TAB1: variants seen among roughly 807,000 people sequenced by gnomAD.
TAB1 encodes TGF-beta-activated kinase 1 and MAP3K7-binding protein 1.
In TAB1, 30 loss-of-function variants were observed where a neutral mutation model predicts 54.5. The ratio of observed to expected loss-of-function variants is 0.55; its 90% CI spans 0.41 to 0.75. TAB1 has a LOEUF of 0.75. Among genes scored for constraint, TAB1 ranks in the 30% least tolerant of loss-of-function variants. The pLI, the probability that TAB1 is intolerant of heterozygous loss-of-function variation, is 0.00. For missense variants in TAB1, 609 were observed against 683.2 expected (o/e 0.89, Z 1.21); for synonymous variants, 289 against 286.9 (o/e 1.01, Z -0.07).
intron 1 of TAB1, among the ~76,000 whole-genome samples, chr22:39,405,589 G>A (rs1020805170): frequency 2.0e-5 from 3 of 152,224 alleles, no homozygotes; most frequent in African/African-American, 7.2e-5. Flanking sequence ...TGGGGGCGTG[G>A]GAGAAAGTAT....
rs1394278128 is a variant in TAB1, at chr22:39,431,448, A to T, written c.*1226A>T. 5 of 985,566 alleles carry T rather than the reference A, an allele frequency of 5.1e-6. No individual in the cohort carries two copies. The African/African-American group carries it at 8.7e-5, about 17-fold the overall frequency. 61.1% of individuals were successfully genotyped at this position (985,566 alleles called of 1,614,324 possible). On this transcript the variant is annotated 3_prime_UTR_variant, in exon 11 of 11. Coordinates refer to ENST00000216160, the MANE Select transcript of TAB1 (RefSeq NM_006116.3). Reference sequence around the variant, plus strand: ...GTATCCAGGACCCCCCGGATTCTCCACGCCCTCCCCATCTCCCAGTCTCCC... The same window carrying T: ...GTATCCAGGACCCCCCGGATTCTCCTCGCCCTCCCCATCTCCCAGTCTCCC...
chr22:39,421,016 C>A (rs4568039), intron 7 of TAB1, among the ~76,000 whole-genome samples: 3 of 149,822 alleles, frequency 2.0e-5, no homozygotes, highest in African/African-American at 2.5e-5. Flanking sequence ...TGTGTCCTGC[C>A]CCTCCCAGGT....
In TAB1 at chr22:39,427,991, C is replaced by T. The variant is rs368355471; in HGVS notation, c.1145-30C>T. The T allele has an allele frequency of 2.6e-6, 4 of 1,551,456 alleles. No individual in the cohort carries two copies. In the African/African-American group the frequency reaches 5.4e-5, roughly 21 times the overall value. On this transcript the variant is annotated intron_variant, in intron 9 of 10. Transcript: ENST00000216160. ...ACCCTGGGTTTCTCCTCAGCTGCTG[C>T]CTGAGGCCCCCACTCTCTTCCTCCC...
chr22:39,432,907 A>C, downstream of TAB1: 1 of 985,414 alleles, frequency 1.0e-6, no homozygotes, highest in South Asian at 4.7e-5. Context: ...GAAGCTCGGG[A>C]ATGGGTTTGA....
intron 1 of TAB1, among the ~76,000 whole-genome samples, chr22:39,410,003 C>T (rs1051419944): frequency 2.0e-5 from 3 of 152,100 alleles, no homozygotes; most frequent in Admixed American, 6.6e-5. Flanking sequence ...TATGTGGGTC[C>T]GGAAGACCTA....
At chr22:39,416,963 C>G in intron 4 of TAB1, 86 bp downstream of exon 4, 2 of 1,354,212 alleles carry the variant, frequency 1.5e-6, no homozygotes, top group Non-Finnish European at 2.1e-6. Context: ...CTTGACATTA[C>G]TGGGCCAGAG....
Position 39,415,227 on chromosome 22 carries a change from G to A in TAB1, c.170+85G>A, listed in dbSNP as rs927103784. On this transcript the variant is annotated intron_variant, in intron 2 of 10. Coordinates refer to ENST00000216160, the MANE Select transcript of TAB1 (RefSeq NM_006116.3). The surrounding 1 kb of genome is among the most constrained non-coding windows in gnomAD (Gnocchi z 4.9). Reference sequence around the variant, plus strand: ...AAGACACCGACCTTGCAGCTTTCTCGTATGGGCTTGCCAGTGACATGTGGC... The same window carrying A: ...AAGACACCGACCTTGCAGCTTTCTCATATGGGCTTGCCAGTGACATGTGGC... 4.4e-5 allele frequency: 65 copies of A among 1,477,824 alleles called. No homozygotes were observed. The highest frequency in any genetic ancestry group is 3.4e-4 in the Admixed American group (16 of 46,392). 91.5% of individuals were successfully genotyped at this position (1,477,824 alleles called of 1,614,324 possible). A position where few individuals can be genotyped will look rare whatever the true frequency, so the allele number is the denominator to read the frequency against.
intron 7 of TAB1, among the ~76,000 whole-genome samples, chr22:39,420,927 T>TG (rs1927057528): frequency 2.2e-4 from 32 of 142,868 alleles, no homozygotes; most frequent in South Asian, 4.5e-4. Flanking sequence ...TGTGTGTGTG[T>TG]TTGTCCTGGG....
chr22:39,421,603 C>T (rs1927093877), intron 7 of TAB1: 1 of 568,522 alleles, frequency 1.8e-6, no homozygotes, highest in African/African-American at 1.9e-5. Flanking sequence ...CCATCCTGAC[C>T]TCAGCTGCCT....
At position 39,430,223 on chromosome 22, in the gene TAB1, G is replaced by A. The variant is rs746147331; in HGVS notation, c.*1G>A. 1 of 1,611,302 alleles carries A rather than the reference G, an allele frequency of 6.2e-7. No homozygotes were observed. The highest frequency in any genetic ancestry group is 8.5e-7 in the Non-Finnish European group (1 of 1,179,996). On this transcript the variant is annotated 3_prime_UTR_variant, in exon 11 of 11. Transcript: ENST00000216160. ...GCAGAGCGTGGTGACAGCACCGTAG[G>A]GCAGCCGGAGAATGCAGCCCAAGCA...
intron 1 of TAB1, among the ~76,000 whole-genome samples, chr22:39,405,077 G>A (rs1463074895): frequency 6.6e-6 from 1 of 152,162 alleles, no homozygotes; most frequent in Non-Finnish European, 1.5e-5. Context: ...AAAACACTTG[G>A]CCTTTTCATA....
chr22:39,405,957 T>C (rs1926344771), intron 1 of TAB1, among the ~76,000 whole-genome samples: 1 of 152,200 alleles, frequency 6.6e-6, no homozygotes, highest in East Asian at 1.9e-4. Context: ...CATGTGTCAT[T>C]GGATCTAAGA....
downstream of TAB1, chr22:39,432,281 C>G (rs1437391611): frequency 1.3e-5 from 2 of 152,354 alleles, no homozygotes; most frequent in Non-Finnish European, 1.5e-5. Flanking sequence ...AGGGCGGAGG[C>G]CTTGCCCTCT....
chr22:39,413,204 G>A (rs544113243), intron 1 of TAB1, among the ~76,000 whole-genome samples: 5 of 151,376 alleles, frequency 3.3e-5, no homozygotes, highest in East Asian at 2.0e-4. Flanking sequence ...TTGAGCCACC[G>A]CGCCCGGCCC....
intron 10 of TAB1, chr22:39,429,396 C>T (rs1046009813): frequency 2.7e-5 from 27 of 983,934 alleles, no homozygotes; most frequent in East Asian, 1.1e-4. Context: ...CCTGTGATGA[C>T]GGGAGTGCTC....
At chr22:39,406,696 C>G (rs1328188026) in intron 1 of TAB1, among the ~76,000 whole-genome samples, 6 of 151,724 alleles carry the variant, frequency 4.0e-5, no homozygotes. Flanking sequence ...GCAGTGGCGC[C>G]ATCTCGGCTC....
rs145850974 is a variant in TAB1 at position 39,415,614 on chromosome 22, C to T, written c.285C>T (p.Ala95=). The change falls in exon 3 of 11, where the codon GCC becomes GCT. Residue 95 remains alanine, a synonymous_variant. Coordinates refer to ENST00000216160, the MANE Select transcript of TAB1 (RefSeq NM_006116.3). This position sits in a 1 kb window ranked among gnomAD's most constrained non-coding sequence, Gnocchi z 4.9. ...AGCTCCTGCTGGGCCAGCTGAATGC[C>T]GAGCACGCCGAGGCCGATGTGCGGC... is the stretch of plus-strand genomic sequence containing the variant. ...SAELLLGQLN[A]EHAEADVRRV... 47 of 1,613,270 alleles carry T rather than the reference C, an allele frequency of 2.9e-5. No homozygotes were observed. In the African/African-American group the frequency reaches 4.3e-4, roughly 15 times the overall value.
intron 1 of TAB1, among the ~76,000 whole-genome samples, chr22:39,407,207 T>C (rs1926402406): frequency 1.3e-5 from 2 of 152,338 alleles, no homozygotes; most frequent in Admixed American, 1.3e-4. Flanking sequence ...AGAGGCTAGA[T>C]GCTCATCTTC....
chr22:39,406,924 C>T (rs1365640104), intron 1 of TAB1, among the ~76,000 whole-genome samples: 3 of 152,198 alleles, frequency 2.0e-5, no homozygotes, highest in African/African-American at 2.4e-5. Context: ...TGAGCCACTG[C>T]GCCCGGCCTC....
Sources: allele counts gnomAD v4.1 joint callset (sites outside exome capture counted in the v4.1 genomes callset), GRCh38; gene constraint gnomAD v4.1.1; non-coding constraint Gnocchi (gnomAD v3.1); transcripts MANE v1.5; gene names NCBI Gene and HGNC (gene_info 2026-07-23, HGNC 2026-07-21).